The following HSF1 variants were observed in gnomAD, a reference collection of about 807,000 sequenced individuals.
HSF1 encodes heat shock transcription factor 1.
In HSF1, 32 loss-of-function variants were observed where a neutral mutation model predicts 51.7. The ratio of observed to expected loss-of-function variants is 0.62; its 90% confidence interval spans 0.47 to 0.83. HSF1 has a LOEUF of 0.83. Ranked by LOEUF, HSF1 falls within the 40% of genes least tolerant of loss-of-function variation. The probability of loss-of-function intolerance (pLI) is 0.00; values close to 1 mark genes in which losing one functional copy is unlikely to be tolerated. For synonymous variants in HSF1, 396 were observed against 309.7 expected, an observed-to-expected ratio of 1.28 and a Z score of -2.92; for missense variants, 727 against 717.0, an observed-to-expected ratio of 1.01 and a Z score of -0.16.
At chr8:144,311,087 C>A in intron 4 of HSF1, 87 bp from the exon 5 acceptor site, 4 of 1,247,220 alleles carry the variant, frequency 3.2e-6, no homozygotes, top group Non-Finnish European at 4.5e-6. Context: ...CCTGCTCCTG[C>A]ATGGGGGACA....
chr8:144,304,454 A>G (rs1406741832), intron 1 of HSF1, among the ~76,000 whole-genome samples: 1 of 151,998 alleles, frequency 6.6e-6, no homozygotes, highest in Non-Finnish European at 1.5e-5. Context: ...TTGAATTTTT[A>G]TGTTTTGTAG....
intron 8 of HSF1, 59 bp downstream of exon 8, chr8:144,311,895 C>G: frequency 6.3e-7 from 1 of 1,583,504 alleles, no homozygotes; most frequent in Non-Finnish European, 8.6e-7. Context: ...CCTGTGGGCC[C>G]AGGGCAGAGT....
intron 9 of HSF1, 96 bp from the exon 10 acceptor site, chr8:144,313,415 T>G: frequency 2.4e-5 from 19 of 805,548 alleles, no homozygotes; most frequent in South Asian, 6.1e-5. Flanking sequence ...GGGTGCAGCC[T>G]GGGGGGTACA....
intron 1 of HSF1, among the ~76,000 whole-genome samples, chr8:144,305,888 A>G (rs1408428845): frequency 6.6e-6 from 1 of 151,100 alleles, no homozygotes; most frequent in African/African-American, 2.4e-5. Context: ...ATGAGCCACC[A>G]CACCTGGCTA....
intron 4 of HSF1, 91 bp downstream of exon 4, chr8:144,309,987 C>A: frequency 1.4e-6 from 2 of 1,466,514 alleles, no homozygotes; most frequent in East Asian, 2.3e-5. Flanking sequence ...CTGACCGGGG[C>A]CAGGTGCTCA....
chr8:144,313,797 C>G (rs1329426607), intron 10 of HSF1, 49 bp from the exon 11 acceptor site: 1 of 1,063,818 alleles, frequency 9.4e-7, no homozygotes, highest in Non-Finnish European at 1.3e-6. Flanking sequence ...CGCCCCGCCT[C>G]CCCGCCCCGC....
chr8:144,305,653 A>G (rs782254130), intron 1 of HSF1, among the ~76,000 whole-genome samples: 5 of 147,290 alleles, frequency 3.4e-5, no homozygotes, highest in Admixed American at 1.4e-4. Flanking sequence ...GAGCACCTCA[A>G]TTGACTGATC....
At chr8:144,292,718 TG>T (rs1815181158) in intron 1 of HSF1, 1 of 152,286 alleles carries the variant, frequency 6.6e-6, no homozygotes, top group South Asian at 2.1e-4. Context: ...CCCAGCACTT[TG>T]GGAGGCGGAG....
intron 2 of HSF1, 188 bp from the exon 3 acceptor site, chr8:144,309,267 G>C (rs1268378091): frequency 2.7e-6 from 2 of 751,424 alleles, no homozygotes; most frequent in Non-Finnish European, 4.3e-6. Context: ...CGGGCGCAGG[G>C]AGCCCTGTGG....
At chr8:144,296,335 G>T (rs1815454802) in intron 1 of HSF1, among the ~76,000 whole-genome samples, 1 of 152,216 alleles carries the variant, frequency 6.6e-6, no homozygotes, top group African/African-American at 2.4e-5. Context: ...TGCTTCCCTG[G>T]TTCTGAGAGC....
intron 9 of HSF1, chr8:144,313,130 G>A (rs1401419386): frequency 1.0e-5 from 4 of 387,216 alleles, no homozygotes; most frequent in Non-Finnish European, 1.9e-5. Flanking sequence ...CCAGGGCAGG[G>A]ACTGAGCCAC....
chr8:144,314,157 C>G lies in HSF1; in HGVS notation c.1417C>G (p.Leu473Val). Residue 473 changes from leucine to valine, a missense_variant, in exon 13 of 13, where the codon CTG (leucine) becomes GTG (valine). Transcript: ENST00000528838. Reference sequence around the variant, plus strand: ...GCTGGTGCACTACACAGCGCAGCCGCTGTTCCTGCTGGACCCCGGCTCCGT... The same window carrying G: ...GCTGGTGCACTACACAGCGCAGCCGGTGTTCCTGCTGGACCCCGGCTCCGT... ...KQLVHYTAQP[L>V]FLLDPGSVDT... 2 of 1,548,648 alleles carry G rather than the reference C, an allele frequency of 1.3e-6. No homozygotes were observed. Among genetic ancestry groups the G allele is most frequent in the Non-Finnish European group, 1.7e-6 (2 of 1,146,590 alleles).
chr8:144,299,273 C>T (rs1448545106), intron 1 of HSF1, among the ~76,000 whole-genome samples: 1 of 151,882 alleles, frequency 6.6e-6, no homozygotes, highest in Non-Finnish European at 1.5e-5. Flanking sequence ...GAAACGCCGT[C>T]TCTACTACAA....
intron 9 of HSF1, chr8:144,312,504 C>A (rs1479100948): frequency 3.3e-6 from 3 of 918,380 alleles, no homozygotes; most frequent in Admixed American, 2.1e-5. Flanking sequence ...GCCACCCTCG[C>A]CACAGGCCAC....
chr8:144,291,984 C>A lies in HSF1; in HGVS notation c.117+110C>A. On this transcript the variant is annotated intron_variant, in intron 1 of 12. Coordinates refer to ENST00000528838, the MANE Select transcript of HSF1 (RefSeq NM_005526.4). This position sits in a 1 kb window ranked among gnomAD's most constrained non-coding sequence, Gnocchi z 4.1. ...GGGCCCTGCCGCACTTCAGCTTACG[C>A]GCGGTGAGCCTGCCCTGCCCCCGCC... 1.9e-6 allele frequency: 1 copy of A among 519,060 alleles called. No individual in the cohort carries two copies. The highest frequency in any genetic ancestry group is 3.2e-6 in the Non-Finnish European group (1 of 317,396). 32.2% of individuals were successfully genotyped at this position (519,060 alleles called of 1,614,324 possible). A position where few individuals can be genotyped will look rare whatever the true frequency, so the allele number is the denominator to read the frequency against.
At chr8:144,309,644 G>T (rs1426783904) in intron 3 of HSF1, 53 bp downstream of exon 3, 7 of 799,202 alleles carry the variant, frequency 8.8e-6, no homozygotes, top group Middle Eastern at 2.7e-4. Flanking sequence ...AGCTCTCCCC[G>T]CCCGCCCCTC....
intron 1 of HSF1, 134 bp from the exon 2 acceptor site, chr8:144,308,772 C>A: frequency 1.4e-6 from 1 of 718,264 alleles, no homozygotes; most frequent in South Asian, 1.6e-5. Flanking sequence ...GCCCCCTGGG[C>A]CTCCCATGGC....
chr8:144,307,924 G>A (rs1237885893), intron 1 of HSF1, among the ~76,000 whole-genome samples: 10 of 152,336 alleles, frequency 6.6e-5, no homozygotes, highest in South Asian at 4.1e-4. Context: ...GCTTTTCGCC[G>A]TCTCTCTCCT....
intron 1 of HSF1, among the ~76,000 whole-genome samples, chr8:144,301,495 AG>A (rs1366451781): frequency 6.6e-6 from 1 of 152,218 alleles, no homozygotes; most frequent in African/African-American, 2.4e-5. Flanking sequence ...AGTCTTAAGC[AG>A]GATAAAACCA....
Sources: gnomAD v4.1 joint callset for allele counts (sites outside exome capture counted in the v4.1 genomes callset) on GRCh38, gnomAD v4.1.1 for gene constraint, Gnocchi (gnomAD v3.1) non-coding constraint, MANE v1.5 for transcripts, NCBI Gene and HGNC (gene_info 2026-07-23, HGNC 2026-07-21) for gene names.